The following LRIG1 variants were observed in gnomAD, a reference collection of about 807,000 sequenced individuals.
LRIG1 encodes the protein leucine rich repeats and immunoglobulin like domains 1.
A neutral mutation model predicts 99.2 loss-of-function variants in LRIG1; 48 were observed. The observed-to-expected ratio is 0.48, with a 90% confidence interval of 0.38 to 0.62. The LOEUF (loss-of-function observed/expected upper bound fraction) is 0.62. Among genes scored for constraint, LRIG1 ranks in the 20% least tolerant of loss-of-function variants. The probability of loss-of-function intolerance (pLI) is 0.00; values close to 1 mark genes in which losing one functional copy is unlikely to be tolerated. For synonymous variants in LRIG1, 772 were observed against 596.1 expected, an observed-to-expected ratio of 1.29 and a Z score of -4.30; for missense variants, 1,646 against 1,434.4, an observed-to-expected ratio of 1.15 and a Z score of -2.38.
intron 1 of LRIG1, among the ~76,000 whole-genome samples, chr3:66,464,786 A>G (rs1263561861): frequency 6.6e-6 from 1 of 152,168 alleles, no homozygotes; most frequent in Non-Finnish European, 1.5e-5. Flanking sequence ...TTGGTATAAA[A>G]CCATTTAAGT....
At chr3:66,430,509 G>C (rs2106741761) in intron 3 of LRIG1, among the ~76,000 whole-genome samples, 2 of 152,276 alleles carry the variant, frequency 1.3e-5, no homozygotes, top group Admixed American at 1.3e-4. Flanking sequence ...CCCTGCCTGA[G>C]GTCCCCATCC....
intron 3 of LRIG1, among the ~76,000 whole-genome samples, chr3:66,442,447 G>T (rs1283358485): frequency 6.6e-6 from 1 of 152,216 alleles, no homozygotes; most frequent in East Asian, 1.9e-4. Flanking sequence ...AAGTGAGGAG[G>T]GGGAGGAGGA....
intron 7 of LRIG1, 99 bp downstream of exon 7, chr3:66,410,030 C>A: frequency 7.6e-7 from 1 of 1,318,352 alleles, no homozygotes; most frequent in Non-Finnish European, 1.0e-6. Flanking sequence ...TCTGAGCCCT[C>A]CCCGAGGCCA....
intron 3 of LRIG1, among the ~76,000 whole-genome samples, chr3:66,448,127 T>G (rs1272863793): frequency 6.6e-6 from 1 of 152,248 alleles, no homozygotes; most frequent in Non-Finnish European, 1.5e-5. Flanking sequence ...ATATGTTAAC[T>G]GAATTAGATT....
In LRIG1 at chr3:66,386,021, A is replaced by G; in HGVS notation, c.1749T>C (p.Phe583=). The G allele has an allele frequency of 1.9e-6, 3 of 1,614,200 alleles. No homozygotes were observed. The highest frequency in any genetic ancestry group is 4.5e-5 in the East Asian group (2 of 44,878). Residue 583 remains phenylalanine (F), a synonymous_variant, in exon 13 of 19, where the codon TTT becomes TTC. Coordinates refer to ENST00000273261, the MANE Select transcript of LRIG1 (RefSeq NM_015541.3). ...TGGCCTTATGTGAATAGGTGGAGCCAAAGTGGTTGGTGATGACACATTGGT... is the reference window on the plus strand; with the variant it reads ...TGGCCTTATGTGAATAGGTGGAGCCGAAGTGGTTGGTGATGACACATTGGT... ...GRYQCVITNH[F]GSTYSHKARL...
At chr3:66,380,997 T>G in intron 17 of LRIG1, 136 bp from the exon 18 acceptor site, 1 of 811,956 alleles carries the variant, frequency 1.2e-6, no homozygotes. Flanking sequence ...CTTCCTCTTT[T>G]CCCCAACTAT....
At chr3:66,461,276 G>T (rs932399529) in intron 2 of LRIG1, among the ~76,000 whole-genome samples, 4 of 152,160 alleles carry the variant, frequency 2.6e-5, no homozygotes, top group African/African-American at 9.7e-5. Flanking sequence ...CTGCACTCTA[G>T]CCTGGGCAAC....
intron 13 of LRIG1, among the ~76,000 whole-genome samples, chr3:66,385,090 G>C (rs1301902939): frequency 6.6e-6 from 1 of 152,144 alleles, no homozygotes; most frequent in Non-Finnish European, 1.5e-5. Flanking sequence ...TAGTAATCAG[G>C]ATAACCCCAT....
intron 1 of LRIG1, among the ~76,000 whole-genome samples, chr3:66,475,001 G>A (rs551521437): frequency 2.3e-4 from 35 of 152,308 alleles, no homozygotes; most frequent in African/African-American, 7.9e-4. Flanking sequence ...ACTAGAGAGA[G>A]ACAAGAGCCA....
intron 3 of LRIG1, among the ~76,000 whole-genome samples, chr3:66,427,068 TG>T (rs1240286620): frequency 6.6e-6 from 1 of 152,162 alleles, no homozygotes; most frequent in Non-Finnish European, 1.5e-5. Context: ...AGCCCTAGAC[TG>T]GGGGGAAAAA....
chr3:66,425,504 C>T (rs901315771), intron 3 of LRIG1, among the ~76,000 whole-genome samples: 3 of 152,088 alleles, frequency 2.0e-5, no homozygotes, highest in Non-Finnish European at 4.4e-5. Flanking sequence ...GATCTGCCAT[C>T]GAGGGAGGAA....
intron 9 of LRIG1, among the ~76,000 whole-genome samples, chr3:66,400,803 C>T (rs1215480257): frequency 6.6e-6 from 1 of 152,180 alleles, no homozygotes; most frequent in Non-Finnish European, 1.5e-5. Flanking sequence ...GCCCACCACA[C>T]GGGCCGCTGC....
At chr3:66,496,260 G>A (rs1701225409) in intron 1 of LRIG1, among the ~76,000 whole-genome samples, 1 of 152,148 alleles carries the variant, frequency 6.6e-6, no homozygotes, top group Non-Finnish European at 1.5e-5. Flanking sequence ...AAGGCAAGAG[G>A]GACATTGTGT....
intron 12 of LRIG1, among the ~76,000 whole-genome samples, chr3:66,388,271 A>G (rs1701478678): frequency 6.6e-6 from 1 of 152,090 alleles, no homozygotes; most frequent in Non-Finnish European, 1.5e-5. Flanking sequence ...GAGCTGGCAG[A>G]AGGAGGGGGC....
At chr3:66,449,271 TGG>T (rs1352657774) in intron 3 of LRIG1, among the ~76,000 whole-genome samples, 2 of 152,166 alleles carry the variant, frequency 1.3e-5, no homozygotes, top group Non-Finnish European at 2.9e-5. Context: ...AATCTAAGAA[TGG>T]GGAACACAGG....
intron 1 of LRIG1, among the ~76,000 whole-genome samples, chr3:66,474,306 A>G (rs1700668182): frequency 6.6e-6 from 1 of 151,966 alleles, no homozygotes; most frequent in African/African-American, 2.4e-5. Flanking sequence ...CAAAGTCCCT[A>G]AAAACAATGC....
At chr3:66,389,219 TA>T (rs1220329620) in intron 12 of LRIG1, among the ~76,000 whole-genome samples, 1 of 151,912 alleles carries the variant, frequency 6.6e-6, no homozygotes, top group Non-Finnish European at 1.5e-5. Context: ...AGAAAATAAC[TA>T]AAAAATACCC....
chr3:66,471,377 CCT>C (rs869074537), intron 1 of LRIG1, among the ~76,000 whole-genome samples: 1 of 56,672 alleles, frequency 1.8e-5, no homozygotes, highest in Non-Finnish European at 1.7e-4. Flanking sequence ...CAATAGCCCC[CCT>C]ATCCTCACCC....
chr3:66,430,715 C>G (rs536533096), intron 3 of LRIG1, among the ~76,000 whole-genome samples: 1 of 152,230 alleles, frequency 6.6e-6, no homozygotes, highest in African/African-American at 2.4e-5. Flanking sequence ...AAAGCAGTAC[C>G]AGGTTGGGCT....
Sources: gnomAD v4.1 joint callset for allele counts (sites outside exome capture counted in the v4.1 genomes callset) on GRCh38, gnomAD v4.1.1 for gene constraint, MANE v1.5 for transcripts, NCBI Gene and HGNC (gene_info 2026-07-23, HGNC 2026-07-21) for gene names.